OR51B5: variants seen among roughly 807,000 people sequenced by gnomAD.
OR51B5 encodes the protein olfactory receptor family 51 subfamily B member 5.
For synonymous variants in OR51B5, 186 were observed against 144.8 expected, an observed-to-expected ratio of 1.28 and a Z score of -2.04; for missense variants, 456 against 374.6, an observed-to-expected ratio of 1.22 and a Z score of -1.79.
chr11:5,488,644 T>C (rs1851530525), intron 1 of OR51B5: 1 of 1,121,802 alleles, frequency 8.9e-7, no homozygotes, highest in South Asian at 1.5e-5. Flanking sequence ...CAACCAAATA[T>C]CTGATGTTAC....
intron 1 of OR51B5, among the ~76,000 whole-genome samples, chr11:5,428,600 T>A (rs976719989): frequency 6.6e-6 from 1 of 152,180 alleles, no homozygotes; most frequent in Non-Finnish European, 1.5e-5. Context: ...AAACAAAAAT[T>A]GGATGACTAC....
intron 1 of OR51B5, among the ~76,000 whole-genome samples, chr11:5,447,192 T>C (rs1850779607): frequency 6.6e-6 from 1 of 152,222 alleles, no homozygotes; most frequent in Admixed American, 6.5e-5. Context: ...CTGTTTACCC[T>C]CAAGTCCACT....
intron 1 of OR51B5, among the ~76,000 whole-genome samples, chr11:5,408,526 T>C (rs549811857): frequency 2.0e-5 from 3 of 152,246 alleles, no homozygotes; most frequent in Non-Finnish European, 4.4e-5. Flanking sequence ...AGAGAAGTCA[T>C]TCATGACATC....
chr11:5,488,611 A>C (rs1851530109), intron 1 of OR51B5: 2 of 968,528 alleles, frequency 2.1e-6, no homozygotes, highest in African/African-American at 1.6e-5. Context: ...TATTTCACAG[A>C]AAGATCTTTG....
At chr11:5,391,589 G>T (rs1849795999) in intron 1 of OR51B5, 1 of 152,176 alleles carries the variant, frequency 6.6e-6, no homozygotes, top group Admixed American at 6.5e-5. Context: ...TTCTCTTCTT[G>T]TCTCGAGGAA....
At chr11:5,436,481 T>C (rs1301978005) in intron 1 of OR51B5, among the ~76,000 whole-genome samples, 1 of 152,212 alleles carries the variant, frequency 6.6e-6, no homozygotes, top group Non-Finnish European at 1.5e-5. Flanking sequence ...CAGAATCTCA[T>C]GTCTGTGGAT....
intron 1 of OR51B5, among the ~76,000 whole-genome samples, chr11:5,416,204 A>G (rs11493590): frequency 0.75 from 95,986 of 127,644 alleles, 36,875 homozygotes; most frequent in Non-Finnish European, 0.86. Context: ...GATGCAGAAA[A>G]GGCCTTTGAC....
chr11:5,396,855 G>C (rs1849880452), intron 1 of OR51B5, among the ~76,000 whole-genome samples: 2 of 152,168 alleles, frequency 1.3e-5, no homozygotes, highest in Non-Finnish European at 2.9e-5. Flanking sequence ...CCAAAACAGA[G>C]ATATAGACCA....
intron 1 of OR51B5, among the ~76,000 whole-genome samples, chr11:5,423,875 T>G (rs1196900271): frequency 6.6e-6 from 1 of 151,968 alleles, no homozygotes; most frequent in Non-Finnish European, 1.5e-5. Context: ...TTCAAACTTC[T>G]TTCTTGTGGG....
chr11:5,422,878 T>C, intron 1 of OR51B5: 1 of 1,614,076 alleles, frequency 6.2e-7, no homozygotes, highest in Admixed American at 1.7e-5. Context: ...TTCTGAAAAA[T>C]ATCTTGGGCA....
At chr11:5,353,596 T>A (rs975254819) in intron 1 of OR51B5, among the ~76,000 whole-genome samples, 3 of 152,240 alleles carry the variant, frequency 2.0e-5, no homozygotes, top group Non-Finnish European at 2.9e-5. Context: ...AGGGGGTTTG[T>A]GGTCCTATGG....
exon 1 of OR51B5, chr11:5,343,354 C>T: frequency 2.5e-6 from 4 of 1,613,184 alleles, no homozygotes; most frequent in Non-Finnish European, 3.4e-6. Flanking sequence ...GAAAGAAGTA[C>T]ATGGGCTCAT....
intron 1 of OR51B5, among the ~76,000 whole-genome samples, chr11:5,470,539 AT>A (rs57450945): frequency 0.087 from 13,230 of 152,206 alleles, 613 homozygotes; most frequent in Middle Eastern, 0.14. Flanking sequence ...CTCAATATGT[AT>A]TCACGCAGCC....
At chr11:5,422,798 T>C (rs772166967) in intron 1 of OR51B5, 1 of 1,614,166 alleles carries the variant, frequency 6.2e-7, no homozygotes, top group South Asian at 1.1e-5. Context: ...CAACAGCTGG[T>C]ATGGATTTGC....
At chr11:5,466,164 G>A (rs923041762) in intron 1 of OR51B5, among the ~76,000 whole-genome samples, 8 of 152,228 alleles carry the variant, frequency 5.3e-5, no homozygotes, top group South Asian at 2.1e-4. Flanking sequence ...TATCATTTAC[G>A]TAGACGACAA....
intron 1 of OR51B5, among the ~76,000 whole-genome samples, chr11:5,438,584 C>A (rs939447565): frequency 6.6e-6 from 1 of 152,170 alleles, no homozygotes; most frequent in African/African-American, 2.4e-5. Context: ...TTATCTATTG[C>A]TCTTTTTTAG....
intron 1 of OR51B5, among the ~76,000 whole-genome samples, chr11:5,372,925 T>C (rs1328283185): frequency 6.6e-6 from 1 of 152,092 alleles, no homozygotes; most frequent in Non-Finnish European, 1.5e-5. Flanking sequence ...CAAATTATAT[T>C]ACAAAGCTAT....
chr11:5,474,365 G>C (rs1851272581), intron 1 of OR51B5, among the ~76,000 whole-genome samples: 1 of 152,078 alleles, frequency 6.6e-6, no homozygotes, highest in African/African-American at 2.4e-5. Context: ...TACAGGAGGA[G>C]ATAAAGGCGA....
intron 1 of OR51B5, among the ~76,000 whole-genome samples, chr11:5,497,657 C>A (rs1328098261): frequency 2.6e-5 from 4 of 152,172 alleles, no homozygotes; most frequent in Admixed American, 2.6e-4. Flanking sequence ...CCTAGAGACA[C>A]TGGGTCCCTT....
Sources: gnomAD v4.1 joint callset for allele counts (sites outside exome capture counted in the v4.1 genomes callset) on GRCh38, gnomAD v4.1.1 for gene constraint, MANE v1.5 for transcripts, NCBI Gene and HGNC (gene_info 2026-07-23, HGNC 2026-07-21) for gene names.